ABCB11: variants seen among roughly 807,000 people sequenced by gnomAD.
The protein encoded by ABCB11 is bile salt export pump.
ABCB11 carries 95 observed loss-of-function variants against 148.0 expected under a neutral mutation model. The ratio of observed to expected loss-of-function variants is 0.64; its 90% CI spans 0.54 to 0.76. The LOEUF is 0.76. Among genes scored for constraint, ABCB11 ranks in the 30% least tolerant of loss-of-function variants. The probability of loss-of-function intolerance (pLI) is 0.00; values close to 1 mark genes in which losing one functional copy is unlikely to be tolerated. For missense variants in ABCB11, 1,523 were observed against 1,617.8 expected, an observed-to-expected ratio of 0.94 and a Z score of 1.01; for synonymous variants, 591 against 555.4, an observed-to-expected ratio of 1.06 and a Z score of -0.90.
In ABCB11 at chr2:168,969,912, A is replaced by C; in HGVS notation, c.1809+133T>G. ...TGTAGTCAGCTAATATTTTCTAAAC[A>C]ATCAGACTAGATGCATGAACCCATG... On this transcript the variant is annotated intron_variant, in intron 15 of 27. Coordinates refer to ENST00000650372, the MANE Select transcript of ABCB11 (RefSeq NM_003742.4). 3.4e-6 allele frequency: 3 copies of C among 878,688 alleles called. No homozygotes were observed. In the South Asian group the frequency reaches 5.1e-5, roughly 15 times the overall value. 54.4% of individuals were successfully genotyped at this position (878,688 alleles called of 1,614,324 possible).
chr2:169,005,285 C>T (rs1694985844), intron 5 of ABCB11, among the ~76,000 whole-genome samples: 4 of 151,966 alleles, frequency 2.6e-5, no homozygotes, highest in Admixed American at 2.0e-4. Flanking sequence ...TTGTCTTTGG[C>T]TACCAGGGCA....
At chr2:168,970,465 T>C (rs1693536284) in intron 14 of ABCB11, 18 of 1,005,580 alleles carry the variant, frequency 1.8e-5, no homozygotes, top group Non-Finnish European at 2.5e-5. Context: ...CCTCTTTAGC[T>C]CAACTTCAAA....
At chr2:168,956,173 G>C (rs1408783627) in intron 19 of ABCB11, among the ~76,000 whole-genome samples, 4 of 151,564 alleles carry the variant, frequency 2.6e-5, no homozygotes, top group Non-Finnish European at 5.9e-5. Context: ...AGACTACAAA[G>C]TTTTAAACAA....
At chr2:168,971,733 G>A in intron 14 of ABCB11, 114 bp downstream of exon 14, 1 of 995,654 alleles carries the variant, frequency 1.0e-6, no homozygotes, top group Non-Finnish European at 1.5e-6. Flanking sequence ...ACTAAAACAT[G>A]GCTTAAGAAT....
At chr2:168,983,134 G>A (rs1002053133) in intron 10 of ABCB11, among the ~76,000 whole-genome samples, 2 of 152,110 alleles carry the variant, frequency 1.3e-5, no homozygotes, top group African/African-American at 4.8e-5. Context: ...TTGGTATTGT[G>A]TATTATTTGA....
intron 5 of ABCB11, among the ~76,000 whole-genome samples, chr2:169,001,360 A>G (rs1694864668): frequency 6.6e-6 from 1 of 152,176 alleles, no homozygotes; most frequent in Non-Finnish European, 1.5e-5. Flanking sequence ...CTTTTGGGGT[A>G]AGTCAGCTGG....
Position 168,924,788 on chromosome 2 carries a change from C to A in ABCB11, c.3634G>T (p.Val1212Phe), listed in dbSNP as rs546906441. 5.6e-6 allele frequency: 9 copies of A among 1,609,458 alleles called. No individual in the cohort carries two copies. Among genetic ancestry groups the A allele is most frequent in the Non-Finnish European group, 7.6e-6 (9 of 1,177,996 alleles). The change falls in exon 27 of 28, where the codon GTT becomes TTT. Residue 1212 changes from valine (V) to phenylalanine (F), a missense_variant. Coordinates refer to ENST00000650372, the MANE Select transcript of ABCB11 (RefSeq NM_003742.4). ...MSLPEKYETNVGSQGSQLSRG... is the reference protein window; with the variant it reads ...MSLPEKYETNFGSQGSQLSRG... ...GAGAGTTGAGACCCCTGGGACCCAA[C>A]GTTAGTTTCATATTTCTGAAAAAAA...
At chr2:168,927,458 G>T in intron 25 of ABCB11, 96 bp from the exon 26 acceptor site, 1 of 1,064,170 alleles carries the variant, frequency 9.4e-7, no homozygotes, top group Non-Finnish European at 1.4e-6. Context: ...AGGACATTTG[G>T]TTTGCTTAAC....
At chr2:168,993,111 C>G (rs1476727857) in intron 8 of ABCB11, among the ~76,000 whole-genome samples, 1 of 151,964 alleles carries the variant, frequency 6.6e-6, no homozygotes, top group Non-Finnish European at 1.5e-5. Flanking sequence ...TGGAATGGGT[C>G]AGATCACCTC....
Position 168,998,697 on chromosome 2 carries a change from T to C in ABCB11, c.390-1975A>G, listed in dbSNP as rs140655027. On this transcript the variant is annotated intron_variant, in intron 5 of 27. Coordinates refer to ENST00000650372, the MANE Select transcript of ABCB11 (RefSeq NM_003742.4). ...TTAAAAATGCCAGTTTACAAACATA[T>C]GTGGATTAAGGGTGTTGGGCACTGG... Among the ~76,000 whole-genome samples the C allele has an allele frequency of 7.9e-3, 1,209 of 152,224 alleles. 11 individuals carry two copies. Among genetic ancestry groups the C allele is most frequent in the Middle Eastern group, 0.027 (8 of 294 alleles).
intron 17 of ABCB11, among the ~76,000 whole-genome samples, chr2:168,966,557 T>G (rs567086342): frequency 2.6e-5 from 4 of 151,988 alleles, no homozygotes; most frequent in African/African-American, 7.2e-5. Context: ...CACTTCTCAC[T>G]GCAAATAAAA....
chr2:168,977,770 A>C lies in ABCB11; in HGVS notation c.1198-1083T>G, dbSNP rs182458554. On this transcript the variant is annotated intron_variant, in intron 11 of 27. Transcript: ENST00000650372. The stretch of plus-strand genomic sequence containing the variant: ...CATGTCTTACATGGTGGCAGGAGAG[A>C]GCGCATAGGGGAAACTGCCACTTTA... Among the ~76,000 whole-genome samples, 1,090 of 152,248 alleles carry C rather than the reference A, an allele frequency of 7.2e-3. 9 individuals are homozygous for C. The highest frequency in any genetic ancestry group is 0.02 in the Middle Eastern group (6 of 294).
At chr2:168,965,080 T>G (rs551187612) in intron 17 of ABCB11, among the ~76,000 whole-genome samples, 1 of 151,678 alleles carries the variant, frequency 6.6e-6, no homozygotes, top group Non-Finnish European at 1.5e-5. Flanking sequence ...GTATGGAAAG[T>G]CAAAGGAAAA....
intron 25 of ABCB11, among the ~76,000 whole-genome samples, chr2:168,929,442 T>C (rs947013904): frequency 1.3e-5 from 2 of 152,110 alleles, no homozygotes; most frequent in African/African-American, 4.8e-5. Context: ...ATCAAAAAAA[T>C]ATAATGTAAA....
At chr2:169,024,610 T>C (rs909692817) in intron 1 of ABCB11, among the ~76,000 whole-genome samples, 9 of 152,202 alleles carry the variant, frequency 5.9e-5, no homozygotes, top group Non-Finnish European at 1.0e-4. Context: ...GATACATTAT[T>C]ATTAGCTAGA....
downstream of ABCB11, among the ~76,000 whole-genome samples, chr2:168,917,200 G>C (rs191700896): frequency 1.2e-5 from 1 of 85,084 alleles, no homozygotes; most frequent in Non-Finnish European, 2.2e-5. Context: ...AGAGTTTTTG[G>C]ACAAAAAAAC....
chr2:168,930,786 T>C lies in ABCB11; in HGVS notation c.3290A>G (p.Asn1097Ser). ...YPSRPDSQVLNGLSVSISPGQ... is the reference protein window; with the variant it reads ...YPSRPDSQVLSGLSVSISPGQ... ...TGGACTAATCGACACTGAGAGACCA[T>C]TCAGAACTTGCGAGTCAGGTCGAGA... Residue 1097 changes from asparagine to serine, a missense_variant, in exon 25 of 28, where the codon AAT becomes AGT. Transcript: ENST00000650372. The C allele has an allele frequency of 6.2e-7, 1 of 1,613,718 alleles. No individual in the cohort carries two copies. Among genetic ancestry groups the C allele is most frequent in the Non-Finnish European group, 8.5e-7 (1 of 1,179,770 alleles).
chr2:168,955,319 T>A (rs1188849671), intron 19 of ABCB11, among the ~76,000 whole-genome samples: 1 of 151,642 alleles, frequency 6.6e-6, no homozygotes, highest in Non-Finnish European at 1.5e-5. Flanking sequence ...GGGTAATTTA[T>A]GAAGAAAAGA....
In ABCB11 at chr2:168,922,394, G is replaced by T. The variant is rs1218900938; in HGVS notation, c.*1228C>A. On this transcript the variant is annotated 3_prime_UTR_variant, in exon 28 of 28. Transcript: ENST00000650372. ...GGGGAAAGGCAGCCATCCTGCTGCA[G>T]GCGGGGCTCTGCAATTCTGTTTCCA... 6.6e-6 allele frequency among the ~76,000 whole-genome samples: 1 copy of T among 152,174 alleles called. No homozygotes were observed. The highest frequency in any genetic ancestry group is 2.4e-5 in the African/African-American group (1 of 41,432).
Sources: gnomAD v4.1 joint callset for allele counts (sites outside exome capture counted in the v4.1 genomes callset) on GRCh38, gnomAD v4.1.1 for gene constraint, MANE v1.5 for transcripts, NCBI Gene and HGNC (gene_info 2026-07-23, HGNC 2026-07-21) for gene names.